Variants in HARS1 observed in about 807,000 individuals in gnomAD.
The protein encoded by HARS1 is histidine--tRNA ligase, cytoplasmic.
A neutral mutation model predicts 63.6 loss-of-function variants in HARS1; 45 were observed. The observed-to-expected ratio is 0.71, with a 90% confidence interval of 0.56 to 0.91. The LOEUF (loss-of-function observed/expected upper bound fraction) is 0.91. Among genes scored for constraint, HARS1 ranks in the 40% least tolerant of loss-of-function variants. The probability of loss-of-function intolerance (pLI) is 0.00; values close to 1 mark genes in which losing one functional copy is unlikely to be tolerated. For missense variants in HARS1, 508 were observed against 643.2 expected, an observed-to-expected ratio of 0.79 and a Z score of 2.27; for synonymous variants, 205 against 247.1, an observed-to-expected ratio of 0.83 and a Z score of 1.60.
Position 140,676,503 on chromosome 5 carries a change from G to C in HARS1, c.1194+151C>G, listed in dbSNP as rs1581503698. 1.3e-6 allele frequency: 1 copy of C among 792,418 alleles called. No homozygotes were observed. Among genetic ancestry groups the C allele is most frequent in the East Asian group, 2.5e-5 (1 of 40,622 alleles). The allele number at this position is 792,418 out of a possible 1,614,324, so 49.1% of individuals were successfully genotyped here. ...GATCCATAAAACTTACATATAATGG[G>C]GTAGAAATCTGTGAAAAAGAGCAAT... is the stretch of plus-strand genomic sequence containing the variant. On this transcript the variant is annotated intron_variant, in intron 10 of 12. Transcript: ENST00000504156. The surrounding 1 kb of genome is among the most constrained non-coding windows in gnomAD (Gnocchi z 4.1).
At chr5:140,688,103 CAAACA>C (rs59554063) in intron 2 of HARS1, among the ~76,000 whole-genome samples, 4,034 of 150,678 alleles carry the variant, frequency 0.027, 106 homozygotes, top group African/African-American at 0.068. Flanking sequence ...GACTCCGTCT[CAAACA>C]AAACAAAACA....
At position 140,691,368 on chromosome 5, in the gene HARS1, G is replaced by T; in HGVS notation, c.-64C>A. Reference sequence around the variant, plus strand: ...CGGTGGTTGCCCCAGCCTCAGCAAGGATGACTTCCGGCTATCGAGTCGCTG... The same window carrying T: ...CGGTGGTTGCCCCAGCCTCAGCAAGTATGACTTCCGGCTATCGAGTCGCTG... On this transcript the variant is annotated 5_prime_UTR_variant, in exon 1 of 13. Coordinates refer to ENST00000504156, the MANE Select transcript of HARS1 (RefSeq NM_002109.6). 1 of 1,252,252 alleles carries T rather than the reference G, an allele frequency of 8.0e-7. No homozygotes were observed. The highest frequency in any genetic ancestry group is 1.1e-6 in the Non-Finnish European group (1 of 894,174). 77.6% of individuals were successfully genotyped at this position (1,252,252 alleles called of 1,614,324 possible). A position where few individuals can be genotyped will look rare whatever the true frequency, so the allele number is the denominator to read the frequency against.
intron 2 of HARS1, among the ~76,000 whole-genome samples, chr5:140,685,931 CTTT>C (rs895539158): frequency 3.6e-5 from 5 of 137,856 alleles, no homozygotes; most frequent in Admixed American, 7.3e-5. Flanking sequence ...TCAAGAAAGT[CTTT>C]TTTTTTTTTT....
At chr5:140,685,892 CTTAT>C in intron 2 of HARS1, among the ~76,000 whole-genome samples, 4 of 151,418 alleles carry the variant, frequency 2.6e-5, no homozygotes, top group Admixed American at 2.6e-4. Context: ...ATCAGGAAGC[CTTAT>C]TTATTTACAT....
At chr5:140,686,915 T>G (rs1089304) in intron 2 of HARS1, among the ~76,000 whole-genome samples, 32,020 of 152,184 alleles carry the variant, frequency 0.21, 3,405 homozygotes, top group African/African-American at 0.22. Flanking sequence ...AATTCTAACT[T>G]TCACCTGAAT....
Position 140,675,040 on chromosome 5 carries a change from C to T in HARS1, c.1288G>A (p.Glu430Lys), listed in dbSNP as rs750797285. Residue 430 changes from glutamate (E) to lysine (K), a missense_variant, in exon 11 of 13, where the codon GAA becomes AAA. By Grantham distance (56) the Glu-to-Lys change is moderately conservative (BLOSUM62 1). Coordinates refer to ENST00000504156, the MANE Select transcript of HARS1 (RefSeq NM_002109.6). ...ACCTTGATCCCAGCATCCCACAGTT[C>T]TGAGACAAGCTTTAGTCTTTCCTCT... ...LLEERLKLVS[E>K]LWDAGIKAEL... 1 of 1,612,342 alleles carries T rather than the reference C, an allele frequency of 6.2e-7. No homozygotes were observed. The highest frequency in any genetic ancestry group is 1.1e-5 in the South Asian group (1 of 91,054).
intron 3 of HARS1, among the ~76,000 whole-genome samples, chr5:140,680,553 A>AT (rs1758659971): frequency 6.6e-6 from 1 of 152,034 alleles, no homozygotes; most frequent in South Asian, 2.1e-4. Context: ...TTAAAAAAAA[A>AT]TTTTTTTAGG....
At chr5:140,689,185 A>T (rs1319239822) in intron 2 of HARS1, among the ~76,000 whole-genome samples, 3 of 152,254 alleles carry the variant, frequency 2.0e-5, no homozygotes, top group Non-Finnish European at 4.4e-5. Flanking sequence ...CAAGGAAAAC[A>T]GACCATCTCC....
chr5:140,689,371 T>C (rs1449083854), intron 2 of HARS1, among the ~76,000 whole-genome samples: 2 of 152,246 alleles, frequency 1.3e-5, no homozygotes, highest in East Asian at 1.9e-4. Flanking sequence ...CTAGAGTGTT[T>C]ATAATGCCTT....
intron 2 of HARS1, among the ~76,000 whole-genome samples, chr5:140,686,704 G>A (rs1759054483): frequency 1.3e-5 from 2 of 151,480 alleles, no homozygotes; most frequent in Non-Finnish European, 2.9e-5. Context: ...AGGTTCAAGC[G>A]ATTCTTGTGC....
intron 3 of HARS1, among the ~76,000 whole-genome samples, chr5:140,682,248 TA>T (rs1758772109): frequency 1.3e-5 from 2 of 151,888 alleles, no homozygotes; most frequent in South Asian, 4.1e-4. Flanking sequence ...AAAAAGGAAT[TA>T]AAATCTGCAG....
Position 140,679,146 on chromosome 5 carries a change from G to A in HARS1, c.397-19C>T, listed in dbSNP as rs1213394347. On this transcript the variant is annotated intron_variant, in intron 4 of 12. Coordinates refer to ENST00000504156, the MANE Select transcript of HARS1 (RefSeq NM_002109.6). This position sits in a 1 kb window ranked among gnomAD's most constrained non-coding sequence, Gnocchi z 4.3. ...AAGGAACCTGATGACAAAGAGTTAA[G>A]GAGAAAGCCCCTCCTATCACTGTCT... The A allele has an allele frequency of 6.2e-7, 1 of 1,613,228 alleles. No individual in the cohort carries two copies.
chr5:140,688,122 C>G (rs991693678), intron 2 of HARS1, among the ~76,000 whole-genome samples: 2 of 151,576 alleles, frequency 1.3e-5, no homozygotes, highest in Non-Finnish European at 2.9e-5. Flanking sequence ...CAAAACAAAA[C>G]AAAACAAAAC....
At chr5:140,682,237 T>G (rs57408905) in intron 3 of HARS1, among the ~76,000 whole-genome samples, 111 of 151,484 alleles carry the variant, frequency 7.3e-4, no homozygotes, top group African/African-American at 2.6e-3. Flanking sequence ...TTTTTTTTTT[T>G]AAAAAGGAAT....
In HARS1 at chr5:140,683,199, G is replaced by A. The variant is rs1758824687; in HGVS notation, c.201C>T (p.Pro67=). ...KTPKGTRDYS[P]RQMAVREKVF... ...CCTTCTCGCGAACTGCCATCTGCCG[G>A]GGACTATAGTCTCTTGTGCCCTTGG... Residue 67 remains proline, a synonymous_variant, in exon 3 of 13, where the codon CCC becomes CCT. Coordinates refer to ENST00000504156, the MANE Select transcript of HARS1 (RefSeq NM_002109.6). 1.2e-6 allele frequency: 2 copies of A among 1,613,850 alleles called. No individual in the cohort carries two copies. Among genetic ancestry groups the A allele is most frequent in the Non-Finnish European group, 1.7e-6 (2 of 1,179,844 alleles).
At chr5:140,682,076 C>G (rs970461965) in intron 3 of HARS1, among the ~76,000 whole-genome samples, 2 of 151,996 alleles carry the variant, frequency 1.3e-5, no homozygotes, top group African/African-American at 2.4e-5. Flanking sequence ...TTTAGCTGAG[C>G]TCTGAAATTA....
chr5:140,689,432 A>G (rs1581527141), intron 2 of HARS1, among the ~76,000 whole-genome samples: 1 of 148,316 alleles, frequency 6.7e-6, no homozygotes, highest in Non-Finnish European at 1.5e-5. Context: ...TTTTTATTTG[A>G]AATTTTTATT....
At chr5:140,678,260 G>A in intron 5 of HARS1, 1 of 546,842 alleles carries the variant, frequency 1.8e-6, no homozygotes, top group East Asian at 3.1e-5. Flanking sequence ...CCTCCTACTG[G>A]ATGGGGTGAT....
chr5:140,679,362 A>G lies in HARS1; in HGVS notation c.397-235T>C. ...TTGTAGTGTTGACTGGACTTTTTTG[A>G]GCATGGCAAGGGGCTGGGCAGGTTG... On this transcript the variant is annotated intron_variant, in intron 4 of 12. Transcript: ENST00000504156. The surrounding 1 kb of genome is among the most constrained non-coding windows in gnomAD (Gnocchi z 4.3). The G allele has an allele frequency of 2.1e-6, 1 of 470,768 alleles. No individual in the cohort carries two copies. Among genetic ancestry groups the G allele is most frequent in the East Asian group, 3.9e-5 (1 of 25,920 alleles). The allele number at this position is 470,768 out of a possible 1,614,324, so 29.2% of individuals were successfully genotyped here.
Sources: gnomAD v4.1 joint callset for allele counts (sites outside exome capture counted in the v4.1 genomes callset) on GRCh38, gnomAD v4.1.1 for gene constraint, Gnocchi (gnomAD v3.1) non-coding constraint, MANE v1.5 for transcripts, NCBI Gene and HGNC (gene_info 2026-07-23, HGNC 2026-07-21) for gene names.